Variants in ZBTB20 observed in about 807,000 individuals in gnomAD.
ZBTB20 encodes zinc finger and BTB domain-containing protein 20.
Under a neutral mutation model 56.9 loss-of-function variants are expected in ZBTB20, and 9 were observed. The ratio of observed to expected loss-of-function variants is 0.16; its 90% CI spans 0.10 to 0.28. ZBTB20 has a LOEUF of 0.28. ZBTB20 is among the 10% of genes least tolerant of loss of function. ZBTB20 has a pLI of 1.00. For synonymous variants in ZBTB20, 417 were observed against 420.7 expected (o/e 0.99, Z 0.11); for missense variants, 655 against 1,003.0 (o/e 0.65, Z 4.69).
At chr3:114,582,589 AGG>A (rs2054761918) in intron 6 of ZBTB20, among the ~76,000 whole-genome samples, 2 of 152,182 alleles carry the variant, frequency 1.3e-5, no homozygotes, top group African/African-American at 4.8e-5. Flanking sequence ...CATGTTGGCC[AGG>A]CTGGTCTCGA....
chr3:114,751,000 C>T (rs1312558058), intron 5 of ZBTB20, among the ~76,000 whole-genome samples: 1 of 152,100 alleles, frequency 6.6e-6, no homozygotes, highest in Non-Finnish European at 1.5e-5. Flanking sequence ...GATTTTTGAA[C>T]TGCATTTTCA....
intron 7 of ZBTB20, among the ~76,000 whole-genome samples, chr3:114,495,501 A>G (rs1038745475): frequency 1.3e-5 from 2 of 152,170 alleles, no homozygotes; most frequent in Non-Finnish European, 2.9e-5. Context: ...TTACATATAT[A>G]TGTAAATAGA....
chr3:114,662,059 C>T (rs1280429708), intron 6 of ZBTB20, among the ~76,000 whole-genome samples: 2 of 125,072 alleles, frequency 1.6e-5, no homozygotes, highest in Admixed American at 1.7e-4. Context: ...CCCCCCTCCC[C>T]CCACCCCACC....
chr3:114,669,383 A>G (rs1243264091), intron 6 of ZBTB20, among the ~76,000 whole-genome samples: 1 of 152,046 alleles, frequency 6.6e-6, no homozygotes, highest in Non-Finnish European at 1.5e-5. Context: ...AGAGGGAACT[A>G]CTTCAAAAAT....
intron 7 of ZBTB20, among the ~76,000 whole-genome samples, chr3:114,415,044 A>G (rs1040817518): frequency 6.6e-6 from 1 of 151,724 alleles, no homozygotes; most frequent in African/African-American, 2.4e-5. Flanking sequence ...GCTAGGGACC[A>G]CCCAAATAGT....
At chr3:114,992,329 T>C (rs1374201227) in intron 2 of ZBTB20, among the ~76,000 whole-genome samples, 3 of 152,096 alleles carry the variant, frequency 2.0e-5, no homozygotes, top group Non-Finnish European at 2.9e-5. Context: ...TATTAGGCTA[T>C]AAGCAATCAT....
chr3:114,351,063 A>G lies in ZBTB20; in HGVS notation c.1015T>C (p.Tyr339His), dbSNP rs2080626425. 1.9e-6 allele frequency: 3 copies of G among 1,610,970 alleles called. No homozygotes were observed. Among genetic ancestry groups the G allele is most frequent in the Non-Finnish European group, 2.5e-6 (3 of 1,179,800 alleles). The change falls in exon 11 of 12, where the codon TAC becomes CAC. Residue 339 changes from tyrosine (Y) to histidine (H), a missense_variant. Tyr to His is a moderately conservative substitution (Grantham distance 83). This residue lies in a region of ZBTB20 where 167 missense variants were observed against 281.9 expected (regional missense o/e 0.59). Coordinates refer to ENST00000675478, the MANE Select transcript of ZBTB20 (RefSeq NM_001348800.3). ...ATCTGCACCCTTTGCTGCCCGTAGT[A>G]GTCGTAATCGTCCTCCATCTCCTGC... is the stretch of plus-strand genomic sequence containing the variant. ...IKQEMEDDYDYYGQQRVQILE... is the reference protein window; with the variant it reads ...IKQEMEDDYDHYGQQRVQILE...
chr3:114,395,431 C>T (rs988051882), intron 7 of ZBTB20, among the ~76,000 whole-genome samples: 14 of 151,928 alleles, frequency 9.2e-5, no homozygotes, highest in Admixed American at 8.5e-4. Flanking sequence ...TTTTAAGGTC[C>T]CTTAAAACTC....
chr3:114,836,003 T>C (rs2074103306), intron 4 of ZBTB20, among the ~76,000 whole-genome samples: 1 of 152,142 alleles, frequency 6.6e-6, no homozygotes, highest in Non-Finnish European at 1.5e-5. Flanking sequence ...CAACGATCCA[T>C]TCAAATGCCC....
intron 1 of ZBTB20, among the ~76,000 whole-genome samples, chr3:115,087,849 C>T (rs2083045035): frequency 6.6e-6 from 1 of 151,946 alleles, no homozygotes; most frequent in Non-Finnish European, 1.5e-5. Flanking sequence ...TTTTTCCTGC[C>T]TCCTTTGCCT....
intron 4 of ZBTB20, among the ~76,000 whole-genome samples, chr3:114,881,920 G>T (rs949133514): frequency 2.0e-5 from 3 of 151,796 alleles, no homozygotes; most frequent in African/African-American, 7.2e-5. Context: ...AAGAAAATCT[G>T]AGTAATTTTT....
chr3:114,714,075 A>C (rs1198516223), intron 5 of ZBTB20: 1 of 152,610 alleles, frequency 6.6e-6, no homozygotes, highest in Non-Finnish European at 1.5e-5. Flanking sequence ...AAAAAATGTC[A>C]CTCTAATATA....
In ZBTB20 at chr3:114,315,959, TG is replaced by T. The variant is rs1265161341; in HGVS notation, c.*23045del. The T allele has an allele frequency of 6.5e-6, 1 of 154,596 alleles. No homozygotes were observed. Among genetic ancestry groups the T allele is most frequent in the Admixed American group, 6.5e-5 (1 of 15,282 alleles). The allele number at this position is 154,596 out of a possible 1,614,324, so 9.6% of individuals were successfully genotyped here. The stretch of plus-strand genomic sequence containing the variant: ...TTAAGGTGCTTCAAAAAAGGTTTTT[TG>T]TTTTTTTGTTTTTTTTTTCAGTTTT... On this transcript the variant is annotated 3_prime_UTR_variant, in exon 12 of 12. Coordinates refer to ENST00000675478, the MANE Select transcript of ZBTB20 (RefSeq NM_001348800.3).
At chr3:114,893,506 T>C (rs561015443) in intron 4 of ZBTB20, among the ~76,000 whole-genome samples, 15 of 152,318 alleles carry the variant, frequency 9.8e-5, no homozygotes, top group African/African-American at 1.9e-4. Context: ...GGAAAACTTA[T>C]GTAAGGTACA....
intron 6 of ZBTB20, among the ~76,000 whole-genome samples, chr3:114,684,352 T>G (rs2062187606): frequency 6.6e-6 from 1 of 152,210 alleles, no homozygotes. Flanking sequence ...TTTCTGACAT[T>G]CTGAATTCAT....
intron 4 of ZBTB20, among the ~76,000 whole-genome samples, chr3:114,886,846 G>T (rs78702215): frequency 6.6e-6 from 1 of 152,154 alleles, no homozygotes; most frequent in Non-Finnish European, 1.5e-5. Flanking sequence ...GTCAAATACC[G>T]AGGGGAAAAA....
At chr3:115,098,210 A>G (rs1216798163) in intron 1 of ZBTB20, among the ~76,000 whole-genome samples, 1 of 152,162 alleles carries the variant, frequency 6.6e-6, no homozygotes, top group African/African-American at 2.4e-5. Context: ...ATACATGCAC[A>G]TGTATGCACA....
intron 5 of ZBTB20, among the ~76,000 whole-genome samples, chr3:114,761,196 T>G (rs776406273): frequency 6.6e-6 from 1 of 152,210 alleles, no homozygotes; most frequent in Non-Finnish European, 1.5e-5. Flanking sequence ...ATGTATGTAT[T>G]GAGCTCCTAC....
chr3:115,024,874 C>T (rs2080353804), intron 2 of ZBTB20, among the ~76,000 whole-genome samples: 3 of 150,856 alleles, frequency 2.0e-5, no homozygotes, highest in Non-Finnish European at 1.5e-5. Context: ...TAGTAGTTAC[C>T]GCTAGTAACT....
Sources: allele counts gnomAD v4.1 joint callset (sites outside exome capture counted in the v4.1 genomes callset), GRCh38; gene constraint gnomAD v4.1.1; regional missense constraint gnomAD v4.1.1; transcripts MANE v1.5; gene names NCBI Gene and HGNC (gene_info 2026-07-23, HGNC 2026-07-21).